The following NUP58 variants were observed in gnomAD, a reference collection of about 807,000 sequenced individuals.
The protein encoded by NUP58 is nucleoporin p58/p45.
A neutral mutation model predicts 70.1 loss-of-function variants in NUP58; 17 were observed. The ratio of observed to expected loss-of-function variants is 0.24; its 90% CI spans 0.17 to 0.36. The LOEUF (loss-of-function observed/expected upper bound fraction) is 0.36. Among genes scored for constraint, NUP58 ranks in the 10% least tolerant of loss-of-function variants. NUP58 has a pLI of 1.00. For synonymous variants in NUP58, 275 were observed against 257.6 expected, an observed-to-expected ratio of 1.07 and a Z score of -0.65; for missense variants, 644 against 701.5, an observed-to-expected ratio of 0.92 and a Z score of 0.93.
chr13:25,345,685 G>A (rs2032041203), downstream of NUP58, among the ~76,000 whole-genome samples: 1 of 152,116 alleles, frequency 6.6e-6, no homozygotes, highest in Non-Finnish European at 1.5e-5. Flanking sequence ...AACCCTTCCT[G>A]GAAGGCTTGT....
At position 25,325,069 on chromosome 13, in the gene NUP58, G is replaced by GTCT. The variant is rs1461521096; in HGVS notation, c.1031+2_1031+3insCTT. The GTCT allele has an allele frequency of 6.3e-7, 1 of 1,599,550 alleles. No individual in the cohort carries two copies. Among genetic ancestry groups the GTCT allele is most frequent in the Non-Finnish European group, 8.5e-7 (1 of 1,171,070 alleles). On this transcript the variant is annotated splice_donor_variant, in intron 10 of 15. Coordinates refer to ENST00000381736, the MANE Select transcript of NUP58 (RefSeq NM_014089.4). LOFTEE classifies it high-confidence loss of function. The stretch of plus-strand genomic sequence containing the variant: ...AACATGAATATGCAGCTCCTGCTGA[G>GTCT]TAAGTTGCTGGATTTTTAAAAACAA...
At position 25,319,332 on chromosome 13, in the gene NUP58, A is replaced by C. The variant is rs2031078977; in HGVS notation, c.692A>C (p.Lys231Thr). Residue 231 changes from lysine (K) to threonine (T), a missense_variant, in exon 7 of 16, where the codon AAA (lysine) becomes ACA (threonine). This residue lies in a region of NUP58 where 430 missense variants were observed against 409.2 expected (regional missense o/e 1.05). Transcript: ENST00000381736. ...FSSSSDKKSDKTGTRPEDSKA... is the reference protein window; with the variant it reads ...FSSSSDKKSDTTGTRPEDSKA... ...AGCTTCTTGAATTTTCTAGGTGATA[A>C]AACGGGAACAAGACCAGAGTAAGTT... The C allele has an allele frequency of 6.2e-7, 1 of 1,613,004 alleles. No individual in the cohort carries two copies.
intron 13 of NUP58, chr13:25,333,231 T>C (rs1322495034): frequency 1.0e-6 from 1 of 985,328 alleles, no homozygotes; most frequent in East Asian, 1.1e-4. Flanking sequence ...GAGATGTGTG[T>C]TCATTCTCTA....
intron 12 of NUP58, among the ~76,000 whole-genome samples, chr13:25,328,184 G>GCAAGATTC (rs1287221868): frequency 2.0e-5 from 3 of 151,604 alleles, no homozygotes; most frequent in Non-Finnish European, 4.4e-5. Context: ...GGGCAACAGA[G>GCAAGATTC]CAAGATTCCA....
Position 25,306,612 on chromosome 13 carries a change from AG to A in NUP58, c.108-1193del, listed in dbSNP as rs542588657. Among the ~76,000 whole-genome samples the A allele has an allele frequency of 5.3e-3, 814 of 152,306 alleles. 2 individuals are homozygous for A. Among genetic ancestry groups the A allele is most frequent in the Non-Finnish European group, 7.2e-3 (493 of 68,034 alleles). On this transcript the variant is annotated intron_variant, in intron 1 of 15. Transcript: ENST00000381736. ...TGGTGATTATTCTTTATGGAAGGGC[AG>A]CAAAGGAAATAATAAAGATAAATAT... is the stretch of plus-strand genomic sequence containing the variant.
downstream of NUP58, among the ~76,000 whole-genome samples, chr13:25,343,466 CTT>C (rs59695355): frequency 6.3e-5 from 9 of 141,974 alleles, no homozygotes; most frequent in East Asian, 4.0e-4. Flanking sequence ...TAATTCATTC[CTT>C]TTTTTTTTTT....
downstream of NUP58, among the ~76,000 whole-genome samples, chr13:25,344,781 G>A (rs1326778965): frequency 3.3e-5 from 5 of 152,036 alleles, no homozygotes; most frequent in South Asian, 2.1e-4. Context: ...TGAATTGAGT[G>A]CAAATTTTTA....
chr13:25,327,361 T>C (rs1307668030), intron 11 of NUP58, 69 bp from the exon 12 acceptor site: 3 of 1,065,704 alleles, frequency 2.8e-6, no homozygotes, highest in East Asian at 5.1e-5. Flanking sequence ...TGGACTCAAA[T>C]AGAAAAATAA....
intron 8 of NUP58, 120 bp downstream of exon 8, chr13:25,320,715 A>G: frequency 1.3e-6 from 1 of 783,406 alleles, no homozygotes; most frequent in Non-Finnish European, 2.0e-6. Flanking sequence ...TAGGGTTAAA[A>G]TGTTAGTGCT....
chr13:25,322,418 T>A (rs1284383604), intron 9 of NUP58, among the ~76,000 whole-genome samples: 1 of 152,196 alleles, frequency 6.6e-6, no homozygotes, highest in Non-Finnish European at 1.5e-5. Context: ...ACACATTTAT[T>A]TGGTTAAATA....
intron 1 of NUP58, chr13:25,303,183 T>G: frequency 2.2e-6 from 1 of 444,762 alleles, no homozygotes; most frequent in Non-Finnish European, 4.5e-6. Flanking sequence ...TTCCCATTGC[T>G]CTCTCTTTAA....
intron 1 of NUP58, 87 bp downstream of exon 1, chr13:25,301,967 TC>T (rs929513331): frequency 1.2e-6 from 1 of 837,832 alleles, no homozygotes; most frequent in Non-Finnish European, 1.9e-6. Flanking sequence ...TCCTGTCTCT[TC>T]CCTCTGGCTT....
chr13:25,319,959 C>G (rs139043005), intron 7 of NUP58, among the ~76,000 whole-genome samples: 69 of 152,210 alleles, frequency 4.5e-4, no homozygotes, highest in South Asian at 2.9e-3. Context: ...AAATCTAACT[C>G]ATGATTCCAT....
In NUP58 at chr13:25,325,066, T is replaced by C; in HGVS notation, c.1029T>C (p.Ala343=). ...TTCAACATGAATATGCAGCTCCTGC[T>C]GAGTAAGTTGCTGGATTTTTAAAAA... ...PGLQHEYAAP[A]DYFRILVQQF... Residue 343 remains alanine (A), a splice_region_variant and synonymous_variant, in exon 10 of 16, where the codon GCT becomes GCC. Transcript: ENST00000381736. 2 of 1,603,768 alleles carry C rather than the reference T, an allele frequency of 1.2e-6. No individual in the cohort carries two copies. The highest frequency in any genetic ancestry group is 1.1e-5 in the South Asian group (1 of 90,078).
intron 15 of NUP58, 123 bp downstream of exon 15, chr13:25,338,854 G>T: frequency 1.4e-6 from 1 of 706,122 alleles, no homozygotes. Flanking sequence ...TTTACTCCCT[G>T]GATGAAGTGT....
In NUP58 at chr13:25,342,398, A is replaced by G. The variant is rs1214976825; in HGVS notation, c.*2264A>G. 24 of 152,648 alleles carry G rather than the reference A, an allele frequency of 1.6e-4. No individual in the cohort carries two copies. The highest frequency in any genetic ancestry group is 5.9e-5 in the Non-Finnish European group (4 of 67,988). The allele number at this position is 152,648 out of a possible 1,614,324, so 9.5% of individuals were successfully genotyped here. On this transcript the variant is annotated 3_prime_UTR_variant, in exon 16 of 16. Transcript: ENST00000381736. Reference sequence around the variant, plus strand: ...TATTATTATGGAAACAATAAAATTTATTGTGTCAGTTGCTTTGATTCTTTA... The same window carrying G: ...TATTATTATGGAAACAATAAAATTTGTTGTGTCAGTTGCTTTGATTCTTTA...
chr13:25,310,043 T>C (rs1425147217), intron 3 of NUP58: 1 of 402,100 alleles, frequency 2.5e-6, no homozygotes, highest in Admixed American at 3.0e-5. Context: ...TTTTCTTTTT[T>C]GCTTTTTTTT....
rs2031591267 is a variant in NUP58, at chr13:25,331,255, A to G, written c.1234-102A>G. ...AATTTGCAGTTTGGATTGAATGTATAATATTGGGACTGTCTTTGGTAATTT... is the reference window on the plus strand; with the variant it reads ...AATTTGCAGTTTGGATTGAATGTATGATATTGGGACTGTCTTTGGTAATTT... On this transcript the variant is annotated intron_variant, in intron 12 of 15. Coordinates refer to ENST00000381736, the MANE Select transcript of NUP58 (RefSeq NM_014089.4). 4.6e-6 allele frequency: 5 copies of G among 1,086,910 alleles called. No homozygotes were observed. In the Admixed American group the frequency reaches 1.0e-4, roughly 22 times the overall value. The allele number at this position is 1,086,910 out of a possible 1,614,324, so 67.3% of individuals were successfully genotyped here. A position where few individuals can be genotyped will look rare whatever the true frequency, so the allele number is the denominator to read the frequency against.
rs1277456466 is a variant in NUP58 at position 25,340,319 on chromosome 13, A to G, written c.*185A>G. ...GAACATCTTTTTTCTTGTGGAATTT[A>G]AAGTCCAGCTGTGTTTTCTTTTTAA... On this transcript the variant is annotated 3_prime_UTR_variant, in exon 16 of 16. Transcript: ENST00000381736. 8 of 522,382 alleles carry G rather than the reference A, an allele frequency of 1.5e-5. No individual in the cohort carries two copies. The highest frequency in any genetic ancestry group is 2.2e-5 in the Non-Finnish European group (7 of 316,102). 32.4% of individuals were successfully genotyped at this position (522,382 alleles called of 1,614,324 possible).
Sources: allele counts gnomAD v4.1 joint callset (sites outside exome capture counted in the v4.1 genomes callset), GRCh38; gene constraint gnomAD v4.1.1; regional missense constraint gnomAD v4.1.1; transcripts MANE v1.5; gene names NCBI Gene and HGNC (gene_info 2026-07-23, HGNC 2026-07-21).